Variants in PDCD1LG2 observed in about 807,000 individuals in gnomAD.
PDCD1LG2 encodes B7 dendritic cell molecule.
A neutral mutation model predicts 28.2 loss-of-function variants in PDCD1LG2; 32 were observed. The ratio of observed to expected loss-of-function variants is 1.13; its 90% confidence interval spans 0.86 to 1.52. The LOEUF (loss-of-function observed/expected upper bound fraction) is 1.52, where lower values mean the gene tolerates loss of function less well. PDCD1LG2 is among the 40% of genes most tolerant of loss of function. The probability of loss-of-function intolerance (pLI) is 0.00; values close to 1 mark genes in which losing one functional copy is unlikely to be tolerated. For synonymous variants in PDCD1LG2, 116 were observed against 120.2 expected (o/e 0.97, Z 0.23); for missense variants, 385 against 323.8 (o/e 1.19, Z -1.45).
At chr9:5,556,830 C>T (rs936477826) in intron 4 of PDCD1LG2, among the ~76,000 whole-genome samples, 2 of 152,160 alleles carry the variant, frequency 1.3e-5, no homozygotes, top group Admixed American at 6.5e-5. Flanking sequence ...TCTAGCCCTG[C>T]CTTTTGTCAG....
intron 3 of PDCD1LG2, among the ~76,000 whole-genome samples, chr9:5,540,806 T>C (rs1331061233): frequency 1.3e-5 from 2 of 152,064 alleles, no homozygotes; most frequent in Admixed American, 6.5e-5. Flanking sequence ...TGGTACCAAT[T>C]CTATTGACAC....
chr9:5,527,014 A>G lies in PDCD1LG2; in HGVS notation c.55+4413A>G, dbSNP rs556178283. On this transcript the variant is annotated intron_variant, in intron 2 of 6. Transcript: ENST00000397747. The stretch of plus-strand genomic sequence containing the variant: ...TGAAAGTTGCCTCTGAATAAAACTC[A>G]AACAAATCATTAATCATTAACTCTT... Among the ~76,000 whole-genome samples, 95 of 152,288 alleles carry G rather than the reference A, an allele frequency of 6.2e-4. 1 individual carries two copies. The highest frequency in any genetic ancestry group is 2.1e-3 in the African/African-American group (86 of 41,564).
At chr9:5,543,963 A>G (rs1424332474) in intron 3 of PDCD1LG2, among the ~76,000 whole-genome samples, 1 of 152,208 alleles carries the variant, frequency 6.6e-6, no homozygotes, top group Non-Finnish European at 1.5e-5. Context: ...AAGCAGTCCT[A>G]AAAGATTTAA....
At chr9:5,544,495 C>T (rs908539278) in intron 3 of PDCD1LG2, among the ~76,000 whole-genome samples, 1 of 152,174 alleles carries the variant, frequency 6.6e-6, no homozygotes, top group Admixed American at 6.5e-5. Context: ...GTGTTCCTGT[C>T]TTGCTTCCTA....
intron 2 of PDCD1LG2, among the ~76,000 whole-genome samples, chr9:5,525,085 C>T (rs369836344): frequency 8.5e-5 from 13 of 152,182 alleles, no homozygotes; most frequent in East Asian, 3.8e-4. Context: ...CAGTGGCTCA[C>T]GCCTATAATC....
chr9:5,562,437 T>C (rs1486890948), intron 5 of PDCD1LG2, among the ~76,000 whole-genome samples: 1 of 152,130 alleles, frequency 6.6e-6, no homozygotes, highest in Non-Finnish European at 1.5e-5. Flanking sequence ...AGCTAAGCTA[T>C]GGATATGCAA....
At chr9:5,564,364 T>A (rs955299914) in intron 6 of PDCD1LG2, among the ~76,000 whole-genome samples, 3 of 152,186 alleles carry the variant, frequency 2.0e-5, no homozygotes, top group Non-Finnish European at 4.4e-5. Context: ...AGTATTTGGA[T>A]GCAATAGCAA....
intron 4 of PDCD1LG2, among the ~76,000 whole-genome samples, chr9:5,553,998 C>G (rs1241030338): frequency 6.6e-6 from 1 of 152,088 alleles, no homozygotes; most frequent in Non-Finnish European, 1.5e-5. Flanking sequence ...TCCCTCTCTA[C>G]TAGCTCCAAG....
intron 1 of PDCD1LG2, among the ~76,000 whole-genome samples, chr9:5,517,517 TCTTGG>T (rs980868032): frequency 1.3e-5 from 2 of 152,220 alleles, no homozygotes; most frequent in African/African-American, 4.8e-5. Flanking sequence ...GGGCCTCTTG[TCTTGG>T]CTGTTGAAAA....
rs1816600236 is a variant in PDCD1LG2 at position 5,563,186 on chromosome 9, C to G, written c.791C>G (p.Thr264Arg). ...GACACAACAAAAAGACCTGTCACCA[C>G]AACAAAGAGGGAAGTGAACAGTGCT... ...SKDTTKRPVT[T>R]TKREVNSAI The change falls in exon 6 of 7, where the codon ACA (threonine) becomes AGA (arginine). Residue 264 changes from threonine (T) to arginine (R), a missense_variant. Coordinates refer to ENST00000397747, the MANE Select transcript of PDCD1LG2 (RefSeq NM_025239.4). 1 of 1,612,670 alleles carries G rather than the reference C, an allele frequency of 6.2e-7. No homozygotes were observed. Among genetic ancestry groups the G allele is most frequent in the East Asian group, 2.2e-5 (1 of 44,850 alleles).
chr9:5,542,321 G>T (rs1188771457), intron 3 of PDCD1LG2, among the ~76,000 whole-genome samples: 2 of 151,840 alleles, frequency 1.3e-5, no homozygotes, highest in Non-Finnish European at 2.9e-5. Context: ...AAAGACAAAG[G>T]TAAATAGATA....
intron 1 of PDCD1LG2, among the ~76,000 whole-genome samples, chr9:5,516,241 C>T (rs1311653974): frequency 1.3e-5 from 2 of 152,056 alleles, no homozygotes; most frequent in East Asian, 3.9e-4. Context: ...TTAGTAGAGA[C>T]GGGGTTTCGC....
chr9:5,522,741 CAA>C (rs372870447), intron 2 of PDCD1LG2, 140 bp downstream of exon 2: 256 of 496,914 alleles, frequency 5.2e-4, no homozygotes, highest in South Asian at 9.8e-4. Flanking sequence ...CCAAGCACCA[CAA>C]AAAAAAAAAG....
intron 5 of PDCD1LG2, among the ~76,000 whole-genome samples, chr9:5,559,434 G>A (rs1816514009): frequency 6.6e-6 from 1 of 152,178 alleles, no homozygotes; most frequent in South Asian, 2.1e-4. Flanking sequence ...GAAAAGGGTT[G>A]AGAACTGCTG....
intron 2 of PDCD1LG2, among the ~76,000 whole-genome samples, chr9:5,531,980 A>G (rs1820492661): frequency 6.6e-6 from 1 of 152,236 alleles, no homozygotes; most frequent in Admixed American, 6.5e-5. Flanking sequence ...GCATTAAGTT[A>G]TAAGGGACTT....
At chr9:5,543,366 C>T (rs548742066) in intron 3 of PDCD1LG2, among the ~76,000 whole-genome samples, 1 of 151,952 alleles carries the variant, frequency 6.6e-6, no homozygotes, top group Non-Finnish European at 1.5e-5. Context: ...GGTGAAACCC[C>T]GTCTCTACTA....
At chr9:5,558,813 G>C (rs974454158) in intron 5 of PDCD1LG2, among the ~76,000 whole-genome samples, 2 of 152,188 alleles carry the variant, frequency 1.3e-5, no homozygotes, top group Admixed American at 6.5e-5. Context: ...GAAGAAGATG[G>C]CCAGGGGAGT....
chr9:5,553,431 A>C (rs1816376846), intron 4 of PDCD1LG2, among the ~76,000 whole-genome samples: 1 of 152,192 alleles, frequency 6.6e-6, no homozygotes, highest in Non-Finnish European at 1.5e-5. Flanking sequence ...TGCCTGGTTA[A>C]GTGTAGGCCA....
At chr9:5,514,990 G>C (rs921379844) in intron 1 of PDCD1LG2, among the ~76,000 whole-genome samples, 3 of 152,052 alleles carry the variant, frequency 2.0e-5, no homozygotes, top group Admixed American at 6.5e-5. Flanking sequence ...AGTGAGAGGA[G>C]TGGTCATATA....
Sources: allele counts gnomAD v4.1 joint callset (sites outside exome capture counted in the v4.1 genomes callset), GRCh38; gene constraint gnomAD v4.1.1; transcripts MANE v1.5; gene names NCBI Gene and HGNC (gene_info 2026-07-23, HGNC 2026-07-21).